TNIK: variants seen among roughly 807,000 people sequenced by gnomAD.
TNIK encodes the protein TRAF2 and NCK-interacting protein kinase.
A neutral mutation model predicts 191.3 loss-of-function variants in TNIK; 49 were observed. The ratio of observed to expected loss-of-function variants is 0.26; its 90% CI spans 0.20 to 0.32. The LOEUF is 0.32. Among genes scored for constraint, TNIK ranks in the 10% least tolerant of loss-of-function variants. The pLI, the probability that TNIK is intolerant of heterozygous loss-of-function variation, is 1.00. For missense variants in TNIK, 1,155 were observed against 1,702.3 expected (o/e 0.68, Z 5.66); for synonymous variants, 594 against 600.9 (o/e 0.99, Z 0.17).
At chr3:171,204,323 A>G (rs1033285933) in intron 4 of TNIK, among the ~76,000 whole-genome samples, 4 of 152,234 alleles carry the variant, frequency 2.6e-5, no homozygotes, top group Non-Finnish European at 5.9e-5. Context: ...CTCTACAACA[A>G]GACTGATAGG....
At chr3:171,205,316 A>G (rs531250018) in intron 4 of TNIK, among the ~76,000 whole-genome samples, 1 of 152,316 alleles carries the variant, frequency 6.6e-6, no homozygotes, top group Admixed American at 6.5e-5. Context: ...CATAGCTTTT[A>G]TCTTCATCTT....
chr3:171,256,037 T>G (rs953652944), intron 2 of TNIK, among the ~76,000 whole-genome samples: 1 of 151,966 alleles, frequency 6.6e-6, no homozygotes, highest in Non-Finnish European at 1.5e-5. Flanking sequence ...GAGCAGCTAA[T>G]AAGACGACCA....
chr3:171,196,766 T>G (rs1738728041), intron 4 of TNIK, among the ~76,000 whole-genome samples: 1 of 152,156 alleles, frequency 6.6e-6, no homozygotes, highest in Admixed American at 6.5e-5. Flanking sequence ...GAAATCTGGT[T>G]AATTTTTTTT....
At chr3:171,438,812 G>T (rs1220681619) in intron 1 of TNIK, among the ~76,000 whole-genome samples, 2 of 152,130 alleles carry the variant, frequency 1.3e-5, no homozygotes, top group Non-Finnish European at 2.9e-5. Context: ...TTCCAGCCCT[G>T]TCCAACCACC....
chr3:171,152,566 C>T (rs1732586017), intron 12 of TNIK, among the ~76,000 whole-genome samples: 1 of 152,008 alleles, frequency 6.6e-6, no homozygotes, highest in Non-Finnish European at 1.5e-5. Context: ...CTGCAGAGCT[C>T]AGGAAGTGGA....
chr3:171,418,758 C>A (rs1321955471), intron 1 of TNIK, among the ~76,000 whole-genome samples: 3 of 152,048 alleles, frequency 2.0e-5, no homozygotes, highest in African/African-American at 7.3e-5. Context: ...TATATCCATA[C>A]AATGGTATAT....
chr3:171,315,130 A>G (rs1286286980), intron 2 of TNIK, among the ~76,000 whole-genome samples: 1 of 152,152 alleles, frequency 6.6e-6, no homozygotes, highest in Non-Finnish European at 1.5e-5. Context: ...TGTGAGGACT[A>G]AGATTCTGCT....
At chr3:171,221,895 A>G (rs1742388026) in intron 3 of TNIK, among the ~76,000 whole-genome samples, 2 of 152,174 alleles carry the variant, frequency 1.3e-5, no homozygotes, top group South Asian at 2.1e-4. Flanking sequence ...GCTGTCATCA[A>G]AATATACAAC....
intron 7 of TNIK, among the ~76,000 whole-genome samples, chr3:171,178,614 G>C (rs1418112561): frequency 2.0e-5 from 3 of 152,098 alleles, no homozygotes; most frequent in Non-Finnish European, 1.5e-5. Context: ...GCATGAGAGG[G>C]GGAATATCAA....
intron 1 of TNIK, among the ~76,000 whole-genome samples, chr3:171,443,930 GA>G (rs59039635): frequency 0.11 from 16,436 of 152,142 alleles, 1,006 homozygotes; most frequent in East Asian, 0.21. Flanking sequence ...TCAATACTGG[GA>G]AAAACCTAAT....
intron 8 of TNIK, 70 bp downstream of exon 8, chr3:171,177,256 C>G (rs1239597498): frequency 1.3e-6 from 2 of 1,518,214 alleles, no homozygotes; most frequent in African/African-American, 2.8e-5. Context: ...AACTGCAGCT[C>G]CTGGCAAGGA....
At chr3:171,237,275 G>C (rs1744388427) in intron 2 of TNIK, among the ~76,000 whole-genome samples, 1 of 152,084 alleles carries the variant, frequency 6.6e-6, no homozygotes, top group Non-Finnish European at 1.5e-5. Flanking sequence ...TAAAACAAAA[G>C]AAATGTCAGC....
In TNIK at chr3:171,087,610, C is replaced by T. The variant is rs1721540444; in HGVS notation, c.2722-104G>A. 3.2e-6 allele frequency: 4 copies of T among 1,253,744 alleles called. No individual in the cohort carries two copies. In the South Asian group the frequency reaches 5.9e-5, roughly 18 times the overall value. The allele number at this position is 1,253,744 out of a possible 1,614,324, so 77.7% of individuals were successfully genotyped here. A position where few individuals can be genotyped will look rare whatever the true frequency, so the allele number is the denominator to read the frequency against. On this transcript the variant is annotated intron_variant, in intron 23 of 32. Coordinates refer to ENST00000436636, the MANE Select transcript of TNIK (RefSeq NM_015028.4). ...AGGCATACGGGGCTCCAAATCAACC[C>T]ACTAGGGCATGAGAAGGTGATATTC...
intron 2 of TNIK, 109 bp from the exon 3 acceptor site, chr3:171,228,330 G>T (rs1219181905): frequency 7.4e-6 from 8 of 1,077,746 alleles, no homozygotes; most frequent in Admixed American, 4.2e-5. Context: ...TATGTCAATG[G>T]GGGGAGAGAG....
intron 12 of TNIK, among the ~76,000 whole-genome samples, chr3:171,149,379 T>C (rs1732117787): frequency 6.6e-6 from 1 of 152,192 alleles, no homozygotes; most frequent in Non-Finnish European, 1.5e-5. Flanking sequence ...ACTAGCGTAC[T>C]CTACCTTCCT....
intron 1 of TNIK, among the ~76,000 whole-genome samples, chr3:171,447,307 GAA>G (rs10649565): frequency 7.1e-6 from 1 of 140,956 alleles, no homozygotes; most frequent in African/African-American, 2.5e-5. Context: ...TTTTAGGCAA[GAA>G]AAAAAAAAAA....
intron 1 of TNIK, among the ~76,000 whole-genome samples, chr3:171,373,191 C>T (rs1349268751): frequency 2.6e-5 from 4 of 152,156 alleles, no homozygotes; most frequent in Non-Finnish European, 5.9e-5. Context: ...CAAAAGGTCA[C>T]CATGAACCTC....
chr3:171,340,620 C>T (rs938637959), intron 2 of TNIK, among the ~76,000 whole-genome samples: 3 of 152,184 alleles, frequency 2.0e-5, no homozygotes, highest in Non-Finnish European at 4.4e-5. Context: ...TCCTTTCTCC[C>T]ACAAGGCTAC....
chr3:171,345,074 G>A (rs1386804527), intron 2 of TNIK, among the ~76,000 whole-genome samples: 1 of 152,122 alleles, frequency 6.6e-6, no homozygotes, highest in Non-Finnish European at 1.5e-5. Flanking sequence ...CTCAACTGAT[G>A]TGAATCAACC....
Sources: allele counts gnomAD v4.1 joint callset (sites outside exome capture counted in the v4.1 genomes callset), GRCh38; gene constraint gnomAD v4.1.1; transcripts MANE v1.5; gene names NCBI Gene and HGNC (gene_info 2026-07-23, HGNC 2026-07-21).